Variants in TK2 observed in about 807,000 individuals in gnomAD.
TK2 encodes thymidine kinase 2, mitochondrial.
Under a neutral mutation model 41.9 loss-of-function variants are expected in TK2, and 35 were observed. That is an observed-to-expected ratio of 0.84 (90% confidence interval 0.64 to 1.11). TK2 has a LOEUF of 1.11. Among genes scored for constraint, TK2 ranks in the 50% least tolerant of loss-of-function variants. The probability of loss-of-function intolerance (pLI) is 0.00; values close to 1 mark genes in which losing one functional copy is unlikely to be tolerated. For missense variants in TK2, 320 were observed against 351.1 expected, an observed-to-expected ratio of 0.91 and a Z score of 0.71; for synonymous variants, 128 against 129.1, an observed-to-expected ratio of 0.99 and a Z score of 0.06.
Position 66,510,227 on chromosome 16 carries a change from AAAG to A in TK2, c.*1738_*1740del, listed in dbSNP as rs907985471. The A allele has an allele frequency of 3.9e-5, 6 of 151,954 alleles. No homozygotes were observed. The highest frequency in any genetic ancestry group is 1.2e-4 in the African/African-American group (5 of 41,382). The allele number at this position is 151,954 out of a possible 1,614,324, so 9.4% of individuals were successfully genotyped here. A position where few individuals can be genotyped will look rare whatever the true frequency, so the allele number is the denominator to read the frequency against. On this transcript the variant is annotated 3_prime_UTR_variant, in exon 10 of 10. Coordinates refer to ENST00000544898, the MANE Select transcript of TK2 (RefSeq NM_004614.5). ...GCCTTAGGCAAAAAAAAAAAAAAAA[AAAG>A]AGAGAGAAATCACATTTCCCCAAAA...
In TK2 at chr16:66,517,892, G is replaced by T. The variant is rs1567526487; in HGVS notation, c.450-15C>A. 2.5e-6 allele frequency: 4 copies of T among 1,609,776 alleles called. No homozygotes were observed. The highest frequency in any genetic ancestry group is 3.4e-6 in the Non-Finnish European group (4 of 1,175,980). ...GCATCTTCCCACTGCAATGAGAGTT[G>T]TAAGGGCTTATTCACCTAAGAGAAA... On this transcript the variant is annotated splice_polypyrimidine_tract_variant and intron_variant, in intron 6 of 9. Transcript: ENST00000544898. The surrounding 1 kb of genome is among the most constrained non-coding windows in gnomAD (Gnocchi z 4.3).
chr16:66,537,280 C>T (rs934151299), intron 3 of TK2, among the ~76,000 whole-genome samples: 1 of 152,180 alleles, frequency 6.6e-6, no homozygotes, highest in African/African-American at 2.4e-5. Flanking sequence ...ATAGGTACAT[C>T]CTACCTCTCT....
At chr16:66,540,173 C>CTTTTTTTTTTTTTTTTTTT (rs200305417) in intron 3 of TK2, among the ~76,000 whole-genome samples, 3 of 130,764 alleles carry the variant, frequency 2.3e-5, no homozygotes, top group Admixed American at 1.6e-4. Context: ...TTTCTTTTTT[C>CTTTTTTTTTTTTTTTTTTT]TTTTTTTTTT....
At chr16:66,513,041 C>T (rs573545311) in intron 9 of TK2, among the ~76,000 whole-genome samples, 8 of 152,256 alleles carry the variant, frequency 5.3e-5, no homozygotes, top group African/African-American at 1.9e-4. Context: ...AATCAAGACT[C>T]GGAGGGACCC....
chr16:66,541,292 T>A (rs976245090), intron 3 of TK2, among the ~76,000 whole-genome samples: 10 of 152,210 alleles, frequency 6.6e-5, no homozygotes, highest in Non-Finnish European at 1.5e-5. Flanking sequence ...TCAACCAGTA[T>A]CATATTCCAA....
intron 4 of TK2, among the ~76,000 whole-genome samples, chr16:66,534,383 T>A (rs1437466846): frequency 3.9e-5 from 6 of 152,234 alleles, no homozygotes; most frequent in Non-Finnish European, 7.3e-5. Context: ...CTGTTCTCTA[T>A]CCAGCCACAA....
intron 6 of TK2, among the ~76,000 whole-genome samples, chr16:66,525,715 C>A (rs1053562951): frequency 1.3e-5 from 2 of 152,110 alleles, no homozygotes; most frequent in Admixed American, 6.6e-5. Flanking sequence ...GATCTCAAGG[C>A]CCCAACAAGG....
At chr16:66,518,251 G>C (rs1964675254) in intron 6 of TK2, 2 of 321,986 alleles carry the variant, frequency 6.2e-6, no homozygotes, top group South Asian at 2.6e-5. Flanking sequence ...TTGTGGACCA[G>C]GGTGGTGGCT....
intron 2 of TK2, among the ~76,000 whole-genome samples, chr16:66,543,789 G>A (rs1159104228): frequency 6.6e-6 from 1 of 152,130 alleles, no homozygotes; most frequent in Non-Finnish European, 1.5e-5. Context: ...CTAGAACTCT[G>A]TCAGCTGGCG....
At chr16:66,527,617 T>TA (rs1199807608) in intron 6 of TK2, among the ~76,000 whole-genome samples, 2 of 152,156 alleles carry the variant, frequency 1.3e-5, no homozygotes, top group African/African-American at 4.8e-5. Context: ...AATAAACAAT[T>TA]AGACACATAC....
At chr16:66,522,986 C>T (rs995596889) in intron 6 of TK2, among the ~76,000 whole-genome samples, 2 of 152,188 alleles carry the variant, frequency 1.3e-5, no homozygotes, top group Non-Finnish European at 2.9e-5. Flanking sequence ...TTCTGCACAC[C>T]CCAACCTCGC....
intron 3 of TK2, among the ~76,000 whole-genome samples, chr16:66,537,325 C>G (rs1965316387): frequency 6.6e-6 from 1 of 152,240 alleles, no homozygotes; most frequent in Non-Finnish European, 1.5e-5. Context: ...TCAGAGCTGG[C>G]TCTGTCCATC....
In TK2 at chr16:66,517,608, T is replaced by C. The variant is rs1324079864; in HGVS notation, c.538+181A>G. Reference sequence around the variant, plus strand: ...GAACAAAGGCCAGGGTTCTTCTCCATGAGAGACCAGAAGTCCCGAATTCTG... The same window carrying C: ...GAACAAAGGCCAGGGTTCTTCTCCACGAGAGACCAGAAGTCCCGAATTCTG... On this transcript the variant is annotated intron_variant, in intron 7 of 9. Coordinates refer to ENST00000544898, the MANE Select transcript of TK2 (RefSeq NM_004614.5). This position sits in a 1 kb window ranked among gnomAD's most constrained non-coding sequence, Gnocchi z 4.3. Among the ~76,000 whole-genome samples, 2 of 152,184 alleles carry C rather than the reference T, an allele frequency of 1.3e-5. No individual in the cohort carries two copies. The highest frequency in any genetic ancestry group is 4.8e-5 in the African/African-American group (2 of 41,452).
chr16:66,536,924 A>T (rs746253078), intron 4 of TK2, 40 bp downstream of exon 4: 9 of 1,613,314 alleles, frequency 5.6e-6, no homozygotes, highest in Admixed American at 1.7e-5. Flanking sequence ...CAGGTGCTTA[A>T]GGGGAAGCCG....
At chr16:66,547,019 C>T (rs886847210) in intron 2 of TK2, among the ~76,000 whole-genome samples, 2 of 152,314 alleles carry the variant, frequency 1.3e-5, no homozygotes, top group Admixed American at 1.3e-4. Flanking sequence ...TCCCGAAGTG[C>T]TGGGATTATA....
chr16:66,536,647 G>A (rs185750861), intron 4 of TK2, among the ~76,000 whole-genome samples: 152 of 152,208 alleles, frequency 1.0e-3, no homozygotes, highest in Non-Finnish European at 1.8e-3. Flanking sequence ...GGTTCTGATA[G>A]GTTTCTTCTA....
intron 2 of TK2, among the ~76,000 whole-genome samples, chr16:66,543,798 C>T (rs11865664): frequency 2.0e-5 from 3 of 152,016 alleles, no homozygotes; most frequent in African/African-American, 7.3e-5. Flanking sequence ...TGTCAGCTGG[C>T]GGAGAAGGTT....
At chr16:66,537,329 G>A (rs957848230) in intron 3 of TK2, among the ~76,000 whole-genome samples, 1 of 152,176 alleles carries the variant, frequency 6.6e-6, no homozygotes, top group African/African-American at 2.4e-5. Flanking sequence ...AGCTGGCTCT[G>A]TCCATCCCTC....
chr16:66,518,692 T>C (rs1964688623), intron 6 of TK2, among the ~76,000 whole-genome samples: 1 of 151,992 alleles, frequency 6.6e-6, no homozygotes, highest in South Asian at 2.1e-4. Context: ...CATGGAAAAA[T>C]TTCAAATCTA....
Sources: gnomAD v4.1 joint callset for allele counts (sites outside exome capture counted in the v4.1 genomes callset) on GRCh38, gnomAD v4.1.1 for gene constraint, Gnocchi (gnomAD v3.1) non-coding constraint, MANE v1.5 for transcripts, NCBI Gene and HGNC (gene_info 2026-07-23, HGNC 2026-07-21) for gene names.